ST6GALNAC3: variants seen among roughly 807,000 people sequenced by gnomAD.
The protein encoded by ST6GALNAC3 is alpha-N-acetylgalactosaminide alpha-2,6-sialyltransferase 3.
Under a neutral mutation model 32.7 loss-of-function variants are expected in ST6GALNAC3, and 25 were observed. The ratio of observed to expected loss-of-function variants is 0.76; its 90% confidence interval spans 0.56 to 1.07. ST6GALNAC3 has a LOEUF of 1.07. Ranked by LOEUF, ST6GALNAC3 falls within the 50% of genes least tolerant of loss-of-function variation. The pLI, the probability that ST6GALNAC3 is intolerant of heterozygous loss-of-function variation, is 0.00. For missense variants in ST6GALNAC3, 355 were observed against 382.4 expected (o/e 0.93, Z 0.60); for synonymous variants, 129 against 133.1 (o/e 0.97, Z 0.21).
intron 2 of ST6GALNAC3, among the ~76,000 whole-genome samples, chr1:76,377,237 C>T (rs889118166): frequency 2.6e-5 from 4 of 152,118 alleles, no homozygotes; most frequent in African/African-American, 7.2e-5. Flanking sequence ...TGGGGGCTGT[C>T]CAGGACATTA....
intron 3 of ST6GALNAC3, among the ~76,000 whole-genome samples, chr1:76,442,391 A>G (rs2101513361): frequency 6.6e-6 from 1 of 152,276 alleles, no homozygotes; most frequent in Non-Finnish European, 1.5e-5. Flanking sequence ...GCTATCACCA[A>G]ACATAAATGA....
intron 3 of ST6GALNAC3, among the ~76,000 whole-genome samples, chr1:76,610,695 AG>A (rs1647868893): frequency 6.6e-6 from 1 of 152,184 alleles, no homozygotes; most frequent in Admixed American, 6.5e-5. Context: ...AAGTGGCGAC[AG>A]GGAGTGCTAG....
chr1:76,307,907 G>A, intron 1 of ST6GALNAC3: 1 of 516,440 alleles, frequency 1.9e-6, no homozygotes, highest in South Asian at 1.4e-5. Context: ...CTCCTATGAA[G>A]TCTGATAAAT....
At chr1:76,393,592 T>C (rs779853024) in intron 2 of ST6GALNAC3, among the ~76,000 whole-genome samples, 1 of 152,160 alleles carries the variant, frequency 6.6e-6, no homozygotes, top group Non-Finnish European at 1.5e-5. Flanking sequence ...GTGTACACAT[T>C]TAGCTTTATT....
At chr1:76,203,758 T>C (rs2100549001) in intron 1 of ST6GALNAC3, among the ~76,000 whole-genome samples, 2 of 152,346 alleles carry the variant, frequency 1.3e-5, no homozygotes, top group East Asian at 3.9e-4. Context: ...TAAAATTACC[T>C]AATAGGTATA....
At chr1:76,599,716 TCGTGTG>T (rs1296506774) in intron 3 of ST6GALNAC3, among the ~76,000 whole-genome samples, 16 of 92,004 alleles carry the variant, frequency 1.7e-4, no homozygotes, top group South Asian at 1.3e-3. Context: ...CACTACCGTA[TCGTGTG>T]TGTGTGTGTG....
At chr1:76,129,629 C>T (rs1649482463) in intron 1 of ST6GALNAC3, among the ~76,000 whole-genome samples, 1 of 152,148 alleles carries the variant, frequency 6.6e-6, no homozygotes, top group Admixed American at 6.5e-5. Flanking sequence ...GCAGCATATG[C>T]CATGGGATTG....
intron 1 of ST6GALNAC3, among the ~76,000 whole-genome samples, chr1:76,231,862 G>C (rs948400030): frequency 6.6e-6 from 1 of 152,170 alleles, no homozygotes; most frequent in African/African-American, 2.4e-5. Context: ...CCCAGAAGTG[G>C]AATTGCCAGA....
At chr1:76,145,040 C>A (rs990144117) in intron 1 of ST6GALNAC3, among the ~76,000 whole-genome samples, 1 of 152,182 alleles carries the variant, frequency 6.6e-6, no homozygotes, top group African/African-American at 2.4e-5. Flanking sequence ...CATTTATAAA[C>A]AAATCTGAAT....
At position 76,370,540 on chromosome 1, in the gene ST6GALNAC3, T is replaced by G. The variant is rs187215510; in HGVS notation, c.214-41468T>G. ...CTTCATAAACTCATAGGCATTAACA[T>G]ATTTTTGTAAGGTCACCAAGAGTGA... On this transcript the variant is annotated intron_variant, in intron 2 of 4. Coordinates refer to ENST00000328299, the MANE Select transcript of ST6GALNAC3 (RefSeq NM_152996.4). Among the ~76,000 whole-genome samples the G allele has an allele frequency of 1.0e-3, 154 of 152,276 alleles. 1 individual carries two copies. The highest frequency in any genetic ancestry group is 3.6e-3 in the African/African-American group (148 of 41,556).
chr1:76,477,497 C>T (rs1413093292), intron 3 of ST6GALNAC3, among the ~76,000 whole-genome samples: 1 of 152,160 alleles, frequency 6.6e-6, no homozygotes, highest in Non-Finnish European at 1.5e-5. Context: ...CCTTTGCTCC[C>T]ATCACCCTAA....
At chr1:76,332,914 T>C (rs17098768) in intron 2 of ST6GALNAC3, among the ~76,000 whole-genome samples, 2,985 of 152,188 alleles carry the variant, frequency 0.02, 92 homozygotes, top group African/African-American at 0.069. Flanking sequence ...GTTGGTGTGC[T>C]CAGGTTCCTA....
intron 1 of ST6GALNAC3, among the ~76,000 whole-genome samples, chr1:76,134,547 T>C (rs1462627167): frequency 1.3e-5 from 2 of 152,174 alleles, no homozygotes; most frequent in Non-Finnish European, 2.9e-5. Flanking sequence ...AGAGACAGGA[T>C]TGGGCTTTTT....
chr1:76,523,570 A>G (rs1057451295), intron 3 of ST6GALNAC3, among the ~76,000 whole-genome samples: 2 of 152,178 alleles, frequency 1.3e-5, no homozygotes, highest in Non-Finnish European at 2.9e-5. Context: ...AGTTTTGATT[A>G]AGATTCAGTC....
At chr1:76,602,321 G>A (rs1367659709) in intron 3 of ST6GALNAC3, among the ~76,000 whole-genome samples, 1 of 151,978 alleles carries the variant, frequency 6.6e-6, no homozygotes, top group East Asian at 1.9e-4. Context: ...ATGCGCGCAC[G>A]TGTGTGTGTG....
intron 1 of ST6GALNAC3, among the ~76,000 whole-genome samples, chr1:76,129,303 C>G (rs778337135): frequency 5.9e-5 from 9 of 152,090 alleles, no homozygotes; most frequent in Admixed American, 1.3e-4. Context: ...GACCACAGAC[C>G]ACTCCGGGCA....
intron 1 of ST6GALNAC3, among the ~76,000 whole-genome samples, chr1:76,099,539 C>T (rs1025492001): frequency 2.6e-5 from 4 of 151,508 alleles, no homozygotes; most frequent in African/African-American, 9.8e-5. Context: ...GATGAATCTC[C>T]AAAACATTAC....
intron 1 of ST6GALNAC3, among the ~76,000 whole-genome samples, chr1:76,142,103 G>A (rs1420668688): frequency 6.6e-6 from 1 of 152,192 alleles, no homozygotes; most frequent in African/African-American, 2.4e-5. Flanking sequence ...TCAGGAAGAT[G>A]ACATCCCAGT....
intron 1 of ST6GALNAC3, among the ~76,000 whole-genome samples, chr1:76,241,799 T>C (rs765514354): frequency 6.6e-6 from 1 of 152,184 alleles, no homozygotes; most frequent in Admixed American, 6.5e-5. Flanking sequence ...GTTAATAAAA[T>C]ACGTTATTAA....
Sources: allele counts gnomAD v4.1 joint callset (sites outside exome capture counted in the v4.1 genomes callset), GRCh38; gene constraint gnomAD v4.1.1; transcripts MANE v1.5; gene names NCBI Gene and HGNC (gene_info 2026-07-23, HGNC 2026-07-21).